The following APP variants were observed in gnomAD, a reference collection of about 807,000 sequenced individuals.
APP encodes the protein amyloid-beta precursor protein.
Under a neutral mutation model 101.4 loss-of-function variants are expected in APP, and 31 were observed. The ratio of observed to expected loss-of-function variants is 0.31; its 90% CI spans 0.23 to 0.41. The LOEUF (loss-of-function observed/expected upper bound fraction) is 0.41. APP is among the 10% of genes least tolerant of loss of function. The pLI is 1.00. For missense variants in APP, 839 were observed against 1,003.7 expected (o/e 0.84, Z 2.22); for synonymous variants, 366 against 364.4 (o/e 1.00, Z -0.05).
chr21:26,045,301 T>C (rs1409202814), intron 5 of APP, among the ~76,000 whole-genome samples: 2 of 152,040 alleles, frequency 1.3e-5, no homozygotes, highest in African/African-American at 2.4e-5. Flanking sequence ...CCAAGAAATA[T>C]GATGAACCTA....
chr21:26,143,538 C>A (rs1211714478), intron 1 of APP, among the ~76,000 whole-genome samples: 1 of 152,196 alleles, frequency 6.6e-6, no homozygotes, highest in African/African-American at 2.4e-5. Flanking sequence ...ACATATCCAT[C>A]ACCTCAGAGT....
At chr21:26,052,081 G>T (rs911850321) in intron 4 of APP, among the ~76,000 whole-genome samples, 30 of 152,112 alleles carry the variant, frequency 2.0e-4, no homozygotes, top group African/African-American at 7.2e-4. Flanking sequence ...TTCTACAGTG[G>T]ATCCAAATAT....
At chr21:26,034,898 A>G (rs1297621483) in intron 5 of APP, among the ~76,000 whole-genome samples, 1 of 152,124 alleles carries the variant, frequency 6.6e-6, no homozygotes, top group African/African-American at 2.4e-5. Context: ...AACGACAACG[A>G]ACCAATAAAA....
intron 5 of APP, among the ~76,000 whole-genome samples, chr21:26,022,273 C>G (rs529543857): frequency 2.6e-5 from 4 of 152,066 alleles, no homozygotes; most frequent in African/African-American, 9.7e-5. Context: ...AGTCTAACCA[C>G]AGGACATTCT....
intron 5 of APP, among the ~76,000 whole-genome samples, chr21:26,025,014 C>T (rs569504393): frequency 2.2e-4 from 34 of 152,140 alleles, no homozygotes; most frequent in Non-Finnish European, 4.3e-4. Context: ...AAGACTAGGA[C>T]GAAATAGGTG....
At chr21:25,979,333 T>C (rs1487929681) in intron 9 of APP, among the ~76,000 whole-genome samples, 2 of 152,238 alleles carry the variant, frequency 1.3e-5, no homozygotes, top group African/African-American at 4.8e-5. Flanking sequence ...TATGGATTCT[T>C]ATAAAGCAAT....
intron 13 of APP, chr21:25,942,781 T>C (rs1401713665): frequency 2.0e-5 from 3 of 152,218 alleles, no homozygotes; most frequent in African/African-American, 4.8e-5. Context: ...GGTAAATATA[T>C]ATAACATAAA....
intron 13 of APP, among the ~76,000 whole-genome samples, chr21:25,943,518 T>C (rs1197577423): frequency 6.7e-6 from 1 of 150,042 alleles, no homozygotes; most frequent in African/African-American, 2.5e-5. Flanking sequence ...AGTGGCAGGA[T>C]CTCAGCTCAC....
chr21:26,097,959 A>G (rs1241592278), intron 2 of APP, among the ~76,000 whole-genome samples: 1 of 151,534 alleles, frequency 6.6e-6, no homozygotes, highest in Non-Finnish European at 1.5e-5. Context: ...AGGCGCCTGT[A>G]GTCTCAGCTA....
intron 5 of APP, among the ~76,000 whole-genome samples, chr21:26,043,900 T>C (rs546715244): frequency 3.9e-4 from 60 of 152,340 alleles, no homozygotes; most frequent in South Asian, 2.1e-3. Context: ...TTCTAGCTTG[T>C]ACTTAACCAT....
chr21:25,970,393 C>A (rs564276837), intron 11 of APP, among the ~76,000 whole-genome samples: 1 of 152,126 alleles, frequency 6.6e-6, no homozygotes, highest in Non-Finnish European at 1.5e-5. Context: ...AAAGATCTTA[C>A]TTTAGAGATT....
intron 2 of APP, among the ~76,000 whole-genome samples, chr21:26,102,962 TGA>T (rs1568977578): frequency 6.6e-6 from 1 of 150,426 alleles, no homozygotes; most frequent in African/African-American, 2.4e-5. Flanking sequence ...CATAATGCTA[TGA>T]GAGATACTTT....
intron 3 of APP, among the ~76,000 whole-genome samples, chr21:26,077,671 A>C (rs11910024): frequency 0.043 from 6,487 of 151,926 alleles, 315 homozygotes; most frequent in East Asian, 0.23. Flanking sequence ...CGTCTCCTCC[A>C]ATCTGGACTA....
intron 3 of APP, among the ~76,000 whole-genome samples, chr21:26,071,627 A>C (rs1260284294): frequency 1.3e-5 from 2 of 152,254 alleles, no homozygotes; most frequent in Admixed American, 1.3e-4. Context: ...TAAAATGTAC[A>C]TGAAAGGAAA....
intron 3 of APP, among the ~76,000 whole-genome samples, chr21:26,089,334 A>AT (rs917256615): frequency 6.6e-6 from 1 of 152,070 alleles, no homozygotes; most frequent in East Asian, 1.9e-4. Flanking sequence ...AAACTACTCA[A>AT]TTTTTTTAAA....
intron 17 of APP, among the ~76,000 whole-genome samples, chr21:25,886,721 G>T (rs182739354): frequency 1.7e-3 from 263 of 152,046 alleles, no homozygotes; most frequent in African/African-American, 6.2e-3. Context: ...GCTTTCCTTT[G>T]ATCTTCCAAT....
intron 1 of APP, among the ~76,000 whole-genome samples, chr21:26,130,445 G>A (rs1213047848): frequency 6.6e-6 from 1 of 152,210 alleles, no homozygotes; most frequent in Non-Finnish European, 1.5e-5. Flanking sequence ...AAACAGCAAG[G>A]CCACTCTCCA....
rs941296891 is a variant in APP at position 25,900,040 on chromosome 21, T to G, written c.1964-2367A>C. On this transcript the variant is annotated intron_variant, in intron 15 of 17. Coordinates refer to ENST00000346798, the MANE Select transcript of APP (RefSeq NM_000484.4). ...TCTTATTTATTTTCTTACTTTAATA[T>G]TGTTAAGTATTTTTTGGTTAAGTTT... Among the ~76,000 whole-genome samples, 3 of 151,364 alleles carry G rather than the reference T, an allele frequency of 2.0e-5. No individual in the cohort carries two copies. In the East Asian group the frequency reaches 5.8e-4, roughly 29 times the overall value.
chr21:26,149,171 A>C (rs1336858284), intron 1 of APP, among the ~76,000 whole-genome samples: 1 of 152,204 alleles, frequency 6.6e-6, no homozygotes, highest in East Asian at 1.9e-4. Flanking sequence ...CTTACTTAGG[A>C]GGCTGACTGC....
Sources: gnomAD v4.1 joint callset for allele counts (sites outside exome capture counted in the v4.1 genomes callset) on GRCh38, gnomAD v4.1.1 for gene constraint, MANE v1.5 for transcripts, NCBI Gene and HGNC (gene_info 2026-07-23, HGNC 2026-07-21) for gene names.